The following NRXN3 variants were observed in gnomAD, a reference collection of about 807,000 sequenced individuals.
NRXN3 encodes the protein neurexin III.
Under a neutral mutation model 137.6 loss-of-function variants are expected in NRXN3, and 32 were observed. The observed-to-expected ratio is 0.23, with a 90% CI of 0.18 to 0.31. The LOEUF (loss-of-function observed/expected upper bound fraction) is 0.31, where lower values mean the gene tolerates loss of function less well. Among genes scored for constraint, NRXN3 ranks in the 10% least tolerant of loss-of-function variants. The pLI, the probability that NRXN3 is intolerant of heterozygous loss-of-function variation, is 1.00. For missense variants in NRXN3, 1,574 were observed against 2,062.5 expected, an observed-to-expected ratio of 0.76 and a Z score of 4.59; for synonymous variants, 798 against 784.5, an observed-to-expected ratio of 1.02 and a Z score of -0.29.
At chr14:79,582,124 G>A (rs2097722306) in intron 16 of NRXN3, among the ~76,000 whole-genome samples, 1 of 152,022 alleles carries the variant, frequency 6.6e-6, no homozygotes, top group Non-Finnish European at 1.5e-5. Context: ...TGTTTTTTAA[G>A]TAGAGACAAA....
At chr14:79,408,106 C>A (rs1169086776) in intron 15 of NRXN3, among the ~76,000 whole-genome samples, 1 of 152,102 alleles carries the variant, frequency 6.6e-6, no homozygotes, top group Non-Finnish European at 1.5e-5. Context: ...GTCTTTTTAT[C>A]AGTATCTTTC....
At chr14:78,495,855 T>C (rs1807158260) in intron 4 of NRXN3, among the ~76,000 whole-genome samples, 1 of 152,208 alleles carries the variant, frequency 6.6e-6, no homozygotes, top group Admixed American at 6.5e-5. Context: ...CAGACTCTTT[T>C]CCCAAAGAAA....
At chr14:79,808,254 A>AAAT (rs1354916451) in intron 20 of NRXN3, among the ~76,000 whole-genome samples, 1 of 127,620 alleles carries the variant, frequency 7.8e-6, no homozygotes, top group Non-Finnish European at 1.6e-5. Context: ...AAAAAAAAAA[A>AAAT]AATATATATA....
chr14:78,178,614 G>A (rs1442791124), intron 1 of NRXN3, among the ~76,000 whole-genome samples: 1 of 152,156 alleles, frequency 6.6e-6, no homozygotes, highest in East Asian at 1.9e-4. Flanking sequence ...TTGCAGCAGG[G>A]ACTGGCCCTC....
At chr14:78,593,850 C>T (rs1036087618) in intron 4 of NRXN3, among the ~76,000 whole-genome samples, 7 of 152,134 alleles carry the variant, frequency 4.6e-5, no homozygotes, top group Non-Finnish European at 8.8e-5. Context: ...TCTCACCACC[C>T]CTGCTCAACC....
intron 20 of NRXN3, among the ~76,000 whole-genome samples, chr14:79,822,924 G>C (rs181832385): frequency 1.3e-5 from 2 of 152,256 alleles, no homozygotes; most frequent in African/African-American, 4.8e-5. Context: ...AAACTTCTAA[G>C]GACTGTGTGG....
At chr14:78,355,291 G>T (rs1324445940) in intron 4 of NRXN3, among the ~76,000 whole-genome samples, 1 of 151,372 alleles carries the variant, frequency 6.6e-6, no homozygotes, top group Non-Finnish European at 1.5e-5. Context: ...AGCACAGTGA[G>T]AGATGGGAGA....
At chr14:79,711,690 G>A (rs1288897583) in intron 19 of NRXN3, among the ~76,000 whole-genome samples, 1 of 152,194 alleles carries the variant, frequency 6.6e-6, no homozygotes, top group African/African-American at 2.4e-5. Context: ...CACCTTAGTT[G>A]CTAGAGTGCT....
At chr14:79,048,089 A>G (rs957037330) in intron 15 of NRXN3, among the ~76,000 whole-genome samples, 1 of 128,462 alleles carries the variant, frequency 7.8e-6, no homozygotes, top group Non-Finnish European at 1.7e-5. Flanking sequence ...TTCAATAAAA[A>G]TAATAAACTA....
intron 15 of NRXN3, among the ~76,000 whole-genome samples, chr14:79,160,021 C>T (rs2060612101): frequency 6.6e-6 from 1 of 151,846 alleles, no homozygotes; most frequent in African/African-American, 2.4e-5. Context: ...GCAGGAAATT[C>T]CCAAAGCTGG....
At chr14:78,178,673 A>G (rs1383954581) in intron 1 of NRXN3, among the ~76,000 whole-genome samples, 1 of 152,174 alleles carries the variant, frequency 6.6e-6, no homozygotes. Context: ...TGCTTTGAGC[A>G]GGGCATCATG....
chr14:78,412,226 C>T (rs1205160113), intron 4 of NRXN3, among the ~76,000 whole-genome samples: 1 of 152,104 alleles, frequency 6.6e-6, no homozygotes, highest in East Asian at 1.9e-4. Flanking sequence ...AGCTGTGAGC[C>T]CAATAAGGTC....
At chr14:79,686,095 C>A (rs2098693648) in intron 17 of NRXN3, among the ~76,000 whole-genome samples, 1 of 151,980 alleles carries the variant, frequency 6.6e-6, no homozygotes, top group African/African-American at 2.4e-5. Flanking sequence ...AGTTGGAGAC[C>A]AGCCTGGCCA....
intron 4 of NRXN3, among the ~76,000 whole-genome samples, chr14:78,477,948 A>G (rs897742025): frequency 1.3e-5 from 2 of 152,224 alleles, no homozygotes; most frequent in Middle Eastern, 3.4e-3. Context: ...GGACAGACTC[A>G]TGTACACACA....
At chr14:78,642,346 A>G (rs1243410175) in intron 4 of NRXN3, among the ~76,000 whole-genome samples, 6 of 152,202 alleles carry the variant, frequency 3.9e-5, no homozygotes, top group African/African-American at 7.2e-5. Context: ...TCTAAAATTT[A>G]TTATTTTGAC....
At chr14:78,900,809 A>G (rs530900161) in intron 10 of NRXN3, among the ~76,000 whole-genome samples, 5 of 152,154 alleles carry the variant, frequency 3.3e-5, no homozygotes, top group Admixed American at 3.3e-4. Flanking sequence ...TAATAAATTG[A>G]TTGAACTGTA....
rs912883815 is a variant in NRXN3, at chr14:79,713,284, T to C, written c.4014+15347T>C. Among the ~76,000 whole-genome samples, 3 of 150,292 alleles carry C rather than the reference T, an allele frequency of 2.0e-5. No homozygotes were observed. The South Asian group carries it at 6.4e-4, about 32-fold the overall frequency. On this transcript the variant is annotated intron_variant, in intron 19 of 20. Transcript: ENST00000335750. ...ACATGCTGCTGCCCCCTATAGTTCT[T>C]GCTTTTGTAAAGTTGTGGTTATTTG...
chr14:78,190,498 T>C (rs1440606463), intron 1 of NRXN3, among the ~76,000 whole-genome samples: 2 of 152,166 alleles, frequency 1.3e-5, no homozygotes, highest in African/African-American at 4.8e-5. Context: ...AAGAACATTA[T>C]ACAAATGAGC....
intron 4 of NRXN3, among the ~76,000 whole-genome samples, chr14:78,608,350 C>T (rs1215530608): frequency 6.6e-6 from 1 of 152,228 alleles, no homozygotes; most frequent in African/African-American, 2.4e-5. Context: ...AAAAGAGAGA[C>T]ATGCTACCAT....
Sources: allele counts gnomAD v4.1 joint callset (sites outside exome capture counted in the v4.1 genomes callset), GRCh38; gene constraint gnomAD v4.1.1; transcripts MANE v1.5; gene names NCBI Gene and HGNC (gene_info 2026-07-23, HGNC 2026-07-21).